CIT: variants seen among roughly 807,000 people sequenced by gnomAD.
The protein encoded by CIT is citron rho-interacting serine/threonine kinase.
In CIT, 79 loss-of-function variants were observed where a neutral mutation model predicts 272.7. That is an observed-to-expected ratio of 0.29 (90% CI 0.24 to 0.35). CIT has a LOEUF of 0.35. Among genes scored for constraint, CIT ranks in the 10% least tolerant of loss-of-function variants. The pLI, the probability that CIT is intolerant of heterozygous loss-of-function variation, is 1.00. For synonymous variants in CIT, 948 were observed against 995.6 expected, an observed-to-expected ratio of 0.95 and a Z score of 0.90; for missense variants, 1,909 against 2,618.3, an observed-to-expected ratio of 0.73 and a Z score of 5.91.
chr12:119,734,541 C>G (rs1282449264), intron 25 of CIT, 184 bp from the exon 26 acceptor site: 3 of 643,640 alleles, frequency 4.7e-6, no homozygotes, highest in East Asian at 5.5e-5. Flanking sequence ...TCTGCAGCCA[C>G]CTTAGAGGCA....
chr12:119,768,345 T>C lies in CIT; in HGVS notation c.2209-1163A>G, dbSNP rs1402172997. Among the ~76,000 whole-genome samples, 1 of 152,264 alleles carries C rather than the reference T, an allele frequency of 6.6e-6. No homozygotes were observed. The highest frequency in any genetic ancestry group is 1.5e-5 in the Non-Finnish European group (1 of 68,050). On this transcript the variant is annotated intron_variant, in intron 18 of 47. Transcript: ENST00000392521. This position sits in a 1 kb window ranked among gnomAD's most constrained non-coding sequence, Gnocchi z 4.3. ...TTCTGTAAATGCACAGCTGCATCTA[T>C]ATTAATTCTTATGAATCTGGACCCA...
Position 119,718,921 on chromosome 12 carries a change from A to T in CIT, c.3841-60T>A. ...GGAAACTGGCACTTGAAACTAGCTA[A>T]AGGAAATCTGACTCGGGAGGAGCAA... On this transcript the variant is annotated intron_variant, in intron 30 of 47. Transcript: ENST00000392521. The surrounding 1 kb of genome is among the most constrained non-coding windows in gnomAD (Gnocchi z 4.8). 1 of 1,562,350 alleles carries T rather than the reference A, an allele frequency of 6.4e-7. No individual in the cohort carries two copies. Among genetic ancestry groups the T allele is most frequent in the South Asian group, 1.1e-5 (1 of 88,738 alleles).
chr12:119,713,262 C>T lies in CIT; in HGVS notation c.4520G>A (p.Arg1507Lys). 1 of 1,614,124 alleles carries T rather than the reference C, an allele frequency of 6.2e-7. No homozygotes were observed. The highest frequency in any genetic ancestry group is 8.5e-7 in the Non-Finnish European group (1 of 1,179,984). ...TGATCCCTCCAGGACAATGTACTTC[C>T]TGTCCCAGCCTTGCTGTCCTCGTTT... The part of the protein sequence containing the change: ...NNKRGQQGWD[R>K]KYIVLEGSKV... Residue 1507 changes from arginine (R) to lysine (K), a missense_variant, in exon 35 of 48, where the codon AGG (arginine) becomes AAG (lysine). Arg to Lys is a conservative substitution (Grantham distance 26). Transcript: ENST00000392521. The surrounding 1 kb of genome is among the most constrained non-coding windows in gnomAD (Gnocchi z 5.2).
At chr12:119,779,123 GA>G (rs1201821521) in intron 13 of CIT, among the ~76,000 whole-genome samples, 1 of 152,136 alleles carries the variant, frequency 6.6e-6, no homozygotes, top group African/African-American at 2.4e-5. Flanking sequence ...GGAAGGCTGA[GA>G]CAGGAGAACT....
At chr12:119,870,672 A>G (rs983386464) in intron 2 of CIT, among the ~76,000 whole-genome samples, 2 of 151,812 alleles carry the variant, frequency 1.3e-5, no homozygotes, top group South Asian at 4.1e-4. Flanking sequence ...GACCAAATCC[A>G]GCCCACGGAC....
At chr12:119,822,556 T>C (rs904495522) in intron 9 of CIT, among the ~76,000 whole-genome samples, 1 of 152,242 alleles carries the variant, frequency 6.6e-6, no homozygotes, top group African/African-American at 2.4e-5. Context: ...TCCATTAATC[T>C]GTGCCTCTAA....
rs914709397 is a variant in CIT at position 119,712,108 on chromosome 12, G to A, written c.4854+70C>T. 71 of 1,445,356 alleles carry A rather than the reference G, an allele frequency of 4.9e-5. No individual in the cohort carries two copies. The highest frequency in any genetic ancestry group is 1.0e-4 in the African/African-American group (7 of 69,940). The allele number at this position is 1,445,356 out of a possible 1,614,324, so 89.5% of individuals were successfully genotyped here. A position where few individuals can be genotyped will look rare whatever the true frequency, so the allele number is the denominator to read the frequency against. On this transcript the variant is annotated intron_variant, in intron 37 of 47. Coordinates refer to ENST00000392521, the MANE Select transcript of CIT (RefSeq NM_001206999.2). This position sits in a 1 kb window ranked among gnomAD's most constrained non-coding sequence, Gnocchi z 5.2. ...AATCAAAATGGCCAATGGGATTCTC[G>A]TCGTTAACACCAGTTACCAAGTCAG...
At chr12:119,807,046 C>G (rs1019335985) in intron 9 of CIT, among the ~76,000 whole-genome samples, 1 of 152,198 alleles carries the variant, frequency 6.6e-6, no homozygotes, top group Non-Finnish European at 1.5e-5. Context: ...GGTCTACACA[C>G]TGGCATTATC....
At chr12:119,870,169 T>G (rs1950626470) in intron 2 of CIT, among the ~76,000 whole-genome samples, 1 of 152,188 alleles carries the variant, frequency 6.6e-6, no homozygotes, top group African/African-American at 2.4e-5. Flanking sequence ...TCTCCTGCCT[T>G]TGAATCTGTG....
rs371693666 is a variant in CIT at position 119,723,316 on chromosome 12, G to A, written c.3592-1867C>T. Among the ~76,000 whole-genome samples the A allele has an allele frequency of 1.2e-3, 178 of 150,024 alleles. 2 individuals carry two copies. Among genetic ancestry groups the A allele is most frequent in the Middle Eastern group, 0.01 (3 of 286 alleles). On this transcript the variant is annotated intron_variant, in intron 28 of 47. Coordinates refer to ENST00000392521, the MANE Select transcript of CIT (RefSeq NM_001206999.2). ...GACGAGAATCTGTTTGGTGACAGCC[G>A]AGCCCAAAATATTTTTCTAGAATAA...
chr12:119,796,045 C>T (rs1965704162), intron 10 of CIT, among the ~76,000 whole-genome samples: 2 of 152,230 alleles, frequency 1.3e-5, no homozygotes, highest in South Asian at 4.1e-4. Flanking sequence ...AAGACCTGGT[C>T]CTGTCCTTAA....
At chr12:119,866,774 G>T (rs1950527319) in intron 3 of CIT, among the ~76,000 whole-genome samples, 1 of 152,114 alleles carries the variant, frequency 6.6e-6, no homozygotes, top group Admixed American at 6.6e-5. Flanking sequence ...AGCTATGATT[G>T]TGCTGCTGCA....
chr12:119,820,108 C>T (rs994607474), intron 9 of CIT, among the ~76,000 whole-genome samples: 13 of 152,198 alleles, frequency 8.5e-5, no homozygotes, highest in Non-Finnish European at 1.2e-4. Context: ...TATGGTACCA[C>T]GGATTGATTC....
chr12:119,825,201 G>A lies in CIT; in HGVS notation c.921C>T (p.Thr307=). 2.5e-6 allele frequency: 4 copies of A among 1,614,082 alleles called. No homozygotes were observed. Among genetic ancestry groups the A allele is most frequent in the Non-Finnish European group, 3.4e-6 (4 of 1,179,992 alleles). Residue 307 remains threonine (T), a synonymous_variant, in exon 8 of 48, where the codon ACC becomes ACT. Coordinates refer to ENST00000392521, the MANE Select transcript of CIT (RefSeq NM_001206999.2). ...TAATGTTATTGAAGGTTCTGGCAGA[G>A]GTTCCCTCTGCGAAGGGGGATCTCC... ...IYGRSPFAEG[T]SARTFNNIMN... is the part of the protein sequence containing the mutation.
intron 9 of CIT, among the ~76,000 whole-genome samples, chr12:119,809,646 A>T (rs1417356721): frequency 2.0e-5 from 3 of 152,054 alleles, no homozygotes; most frequent in African/African-American, 7.2e-5. Flanking sequence ...TCTGACTTGG[A>T]GCTGGCCATA....
intron 9 of CIT, among the ~76,000 whole-genome samples, chr12:119,816,445 G>A (rs1273173489): frequency 3.9e-5 from 6 of 152,212 alleles, no homozygotes; most frequent in Non-Finnish European, 5.9e-5. Context: ...CCTTAAGCCC[G>A]AAGACAAAAC....
chr12:119,721,016 G>C (rs749291587), intron 29 of CIT, among the ~76,000 whole-genome samples: 5 of 152,082 alleles, frequency 3.3e-5, no homozygotes, highest in Non-Finnish European at 7.4e-5. Context: ...GCCCGGGCTG[G>C]AGTGCAGTGG....
In CIT at chr12:119,687,530, T is replaced by C. The variant is rs1955647762; in HGVS notation, c.*702A>G. 1 of 152,234 alleles carries C rather than the reference T, an allele frequency of 6.6e-6. No individual in the cohort carries two copies. Among genetic ancestry groups the C allele is most frequent in the Non-Finnish European group, 1.5e-5 (1 of 68,002 alleles). 9.4% of individuals were successfully genotyped at this position (152,234 alleles called of 1,614,324 possible). On this transcript the variant is annotated 3_prime_UTR_variant, in exon 48 of 48. Coordinates refer to ENST00000392521, the MANE Select transcript of CIT (RefSeq NM_001206999.2). ...CCGATGACCTCCATACATTCTCAGC[T>C]GGTGGGAGGGGAAGTCGTCAAGGCC... is the stretch of plus-strand genomic sequence containing the variant.
At position 119,686,941 on chromosome 12, in the gene CIT, G is replaced by C. The variant is rs1189426872; in HGVS notation, c.*1291C>G. 1.3e-5 allele frequency: 2 copies of C among 152,662 alleles called. No individual in the cohort carries two copies. The highest frequency in any genetic ancestry group is 2.4e-5 in the African/African-American group (1 of 41,450). 9.5% of individuals were successfully genotyped at this position (152,662 alleles called of 1,614,324 possible). Reference sequence around the variant, plus strand: ...CTAGCCCTAGGGAAAGGCTCATTTGGAAAGTCACAGTTTCGTGGGGTAGAA... The same window carrying C: ...CTAGCCCTAGGGAAAGGCTCATTTGCAAAGTCACAGTTTCGTGGGGTAGAA... On this transcript the variant is annotated 3_prime_UTR_variant, in exon 48 of 48. Transcript: ENST00000392521.
Sources: allele counts gnomAD v4.1 joint callset (sites outside exome capture counted in the v4.1 genomes callset), GRCh38; gene constraint gnomAD v4.1.1; non-coding constraint Gnocchi (gnomAD v3.1); transcripts MANE v1.5; gene names NCBI Gene and HGNC (gene_info 2026-07-23, HGNC 2026-07-21).